Variants in COL6A6 observed in about 807,000 individuals in gnomAD.
COL6A6 encodes collagen alpha-6(VI) chain.
Under a neutral mutation model 208.6 loss-of-function variants are expected in COL6A6, and 183 were observed. The observed-to-expected ratio is 0.88, with a 90% CI of 0.78 to 0.99. COL6A6 has a LOEUF of 0.99. Among genes scored for constraint, COL6A6 ranks in the 50% least tolerant of loss-of-function variants. COL6A6 has a pLI of 0.00. For synonymous variants in COL6A6, 973 were observed against 1,011.8 expected (o/e 0.96, Z 0.73); for missense variants, 2,816 against 2,815.2 (o/e 1.00, Z -0.01).
chr3:130,524,599 T>C (rs2061918870), intron 1 of COL6A6, among the ~76,000 whole-genome samples: 1 of 152,236 alleles, frequency 6.6e-6, no homozygotes, highest in East Asian at 1.9e-4. Context: ...TGCAAAATTC[T>C]TTAAGTAGTT....
At chr3:130,620,228 T>C (rs563434724) in intron 23 of COL6A6, among the ~76,000 whole-genome samples, 37 of 152,242 alleles carry the variant, frequency 2.4e-4, no homozygotes, top group African/African-American at 7.9e-4. Context: ...AGTCATTGTG[T>C]AGAAGTGATA....
chr3:130,673,335 A>G (rs1017073365), intron 36 of COL6A6, among the ~76,000 whole-genome samples: 2 of 152,142 alleles, frequency 1.3e-5, no homozygotes, highest in Non-Finnish European at 2.9e-5. Context: ...TGAGAGGGGA[A>G]AAAATATAGC....
chr3:130,604,242 C>T (rs902350851), intron 20 of COL6A6, among the ~76,000 whole-genome samples: 1 of 152,132 alleles, frequency 6.6e-6, no homozygotes, highest in Non-Finnish European at 1.5e-5. Flanking sequence ...GCCTGTAATC[C>T]CAGCACTTTG....
chr3:130,547,026 G>A (rs2107780343), intron 1 of COL6A6, among the ~76,000 whole-genome samples: 1 of 152,390 alleles, frequency 6.6e-6, no homozygotes, highest in African/African-American at 2.4e-5. Context: ...CATGGGGGCA[G>A]CAGGTGGAGC....
At chr3:130,664,894 T>C in intron 35 of COL6A6, 109 bp from the exon 36 acceptor site, 1 of 702,726 alleles carries the variant, frequency 1.4e-6, no homozygotes, top group East Asian at 3.1e-5. Flanking sequence ...AGTTGGTATT[T>C]TTCTTGATGG....
Position 130,625,530 on chromosome 3 carries a change from G to A in COL6A6, c.4879-955G>A, listed in dbSNP as rs573087989. Among the ~76,000 whole-genome samples the A allele has an allele frequency of 9.2e-5, 14 of 152,236 alleles. No homozygotes were observed. The South Asian group carries it at 2.1e-3, about 23-fold the overall frequency. ...GTGATGAGAATGGCCTTTTACCTGT[G>A]TAATGTTCCTCCCCCAAACCCATAA... On this transcript the variant is annotated intron_variant, in intron 24 of 36. Transcript: ENST00000358511.
At chr3:130,622,206 C>CG (rs2064744039) in intron 24 of COL6A6, among the ~76,000 whole-genome samples, 1 of 141,922 alleles carries the variant, frequency 7.0e-6, no homozygotes, top group South Asian at 2.3e-4. Flanking sequence ...CCCGCCTACC[C>CG]CCCCCTTTTT....
At chr3:130,544,383 TC>T (rs968993520) in intron 1 of COL6A6, among the ~76,000 whole-genome samples, 3 of 152,188 alleles carry the variant, frequency 2.0e-5, no homozygotes, top group Non-Finnish European at 2.9e-5. Flanking sequence ...TTTCTCTCTC[TC>T]CCTCCCTTTC....
intron 33 of COL6A6, among the ~76,000 whole-genome samples, chr3:130,655,681 T>C (rs557231149): frequency 6.6e-6 from 1 of 152,350 alleles, no homozygotes; most frequent in South Asian, 2.1e-4. Flanking sequence ...TTAAAAACTT[T>C]AGGCAAGTTA....
At chr3:130,594,246 T>G in intron 17 of COL6A6, 35 bp from the exon 18 acceptor site, 1 of 1,463,198 alleles carries the variant, frequency 6.8e-7, no homozygotes, top group East Asian at 2.3e-5. Context: ...TAAAACTTCT[T>G]GTCTTGTTTT....
intron 3 of COL6A6, among the ~76,000 whole-genome samples, chr3:130,564,758 A>G (rs1559995215): frequency 2.0e-5 from 3 of 152,124 alleles, no homozygotes; most frequent in Non-Finnish European, 4.4e-5. Flanking sequence ...CCCCATAACA[A>G]CTCTATGAGA....
At chr3:130,586,428 A>G in intron 10 of COL6A6, 78 bp from the exon 11 acceptor site, 2 of 1,331,480 alleles carry the variant, frequency 1.5e-6, no homozygotes, top group Non-Finnish European at 2.1e-6. Flanking sequence ...CACTGAGAAT[A>G]ACAATTTAAA....
rs141777369 is a variant in COL6A6 at position 130,663,883 on chromosome 3, A to T, written c.6503-1120A>T. ...ATAAATCTTCAATCTTTAAAATGTA[A>T]CTATAAAAGTACAAGTCAAGAAAGA... is the stretch of plus-strand genomic sequence containing the variant. On this transcript the variant is annotated intron_variant, in intron 35 of 36. Transcript: ENST00000358511. Among the ~76,000 whole-genome samples the T allele has an allele frequency of 1.3e-3, 197 of 152,356 alleles. 1 individual carries two copies. Among genetic ancestry groups the T allele is most frequent in the Non-Finnish European group, 2.4e-3 (166 of 68,036 alleles).
intron 4 of COL6A6, among the ~76,000 whole-genome samples, chr3:130,565,979 C>T (rs1251543270): frequency 1.3e-5 from 2 of 152,002 alleles, no homozygotes; most frequent in Admixed American, 1.3e-4. Context: ...TTGTACTTTT[C>T]TCACCCAAAT....
intron 18 of COL6A6, among the ~76,000 whole-genome samples, chr3:130,595,299 G>T (rs545823276): frequency 1.7e-4 from 26 of 152,248 alleles, no homozygotes; most frequent in Middle Eastern, 3.4e-3. Flanking sequence ...AAACCTTAAT[G>T]AATTAAGATT....
At chr3:130,529,722 CTGTAG>C (rs977828857) in intron 1 of COL6A6, among the ~76,000 whole-genome samples, 1 of 152,174 alleles carries the variant, frequency 6.6e-6, no homozygotes, top group African/African-American at 2.4e-5. Context: ...CTGGGAGCAC[CTGTAG>C]TCCTTAGTGA....
At chr3:130,644,503 C>T (rs1559782309) in intron 31 of COL6A6, among the ~76,000 whole-genome samples, 1 of 152,162 alleles carries the variant, frequency 6.6e-6, no homozygotes, top group Non-Finnish European at 1.5e-5. Context: ...AGTAACTCCA[C>T]CTCTGATACT....
chr3:130,642,237 G>A (rs977515), intron 29 of COL6A6, among the ~76,000 whole-genome samples: 8,227 of 140,482 alleles, frequency 0.059, 344 homozygotes, highest in Non-Finnish European at 0.088. Context: ...AACTCTGACA[G>A]ATTATATGTG....
At chr3:130,539,112 A>G (rs925866141) in intron 1 of COL6A6, among the ~76,000 whole-genome samples, 7 of 152,116 alleles carry the variant, frequency 4.6e-5, no homozygotes, top group Non-Finnish European at 8.8e-5. Flanking sequence ...AGCCAATCAG[A>G]AGGGGAAGAA....
Sources: allele counts gnomAD v4.1 joint callset (sites outside exome capture counted in the v4.1 genomes callset), GRCh38; gene constraint gnomAD v4.1.1; transcripts MANE v1.5; gene names NCBI Gene and HGNC (gene_info 2026-07-23, HGNC 2026-07-21).